The following ZZZ3 variants were observed in gnomAD, a reference collection of about 807,000 sequenced individuals.
ZZZ3 encodes ZZ-type zinc finger-containing protein 3.
Under a neutral mutation model 95.2 loss-of-function variants are expected in ZZZ3, and 22 were observed. The ratio of observed to expected loss-of-function variants is 0.23; its 90% CI spans 0.17 to 0.33. The LOEUF is 0.33. Ranked by LOEUF, ZZZ3 falls within the 10% of genes least tolerant of loss-of-function variation. ZZZ3 has a pLI of 1.00. For missense variants in ZZZ3, 885 were observed against 1,066.5 expected, an observed-to-expected ratio of 0.83 and a Z score of 2.37; for synonymous variants, 335 against 358.9, an observed-to-expected ratio of 0.93 and a Z score of 0.75.
intron 1 of ZZZ3, among the ~76,000 whole-genome samples, chr1:77,664,377 T>C (rs1310100189): frequency 5.3e-5 from 8 of 152,222 alleles, no homozygotes; most frequent in Non-Finnish European, 8.8e-5. Context: ...CAGAATTAAC[T>C]ACTCTCTCCT....
intron 5 of ZZZ3, among the ~76,000 whole-genome samples, chr1:77,599,647 C>T (rs1664543831): frequency 6.6e-6 from 1 of 152,102 alleles, no homozygotes; most frequent in African/African-American, 2.4e-5. Flanking sequence ...CTTTTAAATA[C>T]AGCAGAACGA....
At chr1:77,666,439 G>A (rs1320387742) in intron 1 of ZZZ3, among the ~76,000 whole-genome samples, 1 of 151,988 alleles carries the variant, frequency 6.6e-6, no homozygotes, top group Non-Finnish European at 1.5e-5. Context: ...AAGCAGAGGT[G>A]GGAAGATCGC....
chr1:77,636,741 AAGG>A (rs1323418528), intron 4 of ZZZ3, among the ~76,000 whole-genome samples: 1 of 145,804 alleles, frequency 6.9e-6, no homozygotes, highest in Non-Finnish European at 1.5e-5. Context: ...CACGTATAGT[AAGG>A]CCTATCTTAA....
intron 1 of ZZZ3, among the ~76,000 whole-genome samples, chr1:77,679,369 A>C (rs928643008): frequency 2.0e-5 from 3 of 152,188 alleles, no homozygotes; most frequent in Non-Finnish European, 4.4e-5. Context: ...GCAATGGTGC[A>C]ATCACAGCTC....
Position 77,584,665 on chromosome 1 carries a change from C to T in ZZZ3, c.1506-10G>A, listed in dbSNP as rs762225674. ...TAATAGTCTCTGATAACTACAGAGA[C>T]AAAGAAAAATATTTCACAAAAATTT... On this transcript the variant is annotated splice_polypyrimidine_tract_variant and intron_variant, in intron 5 of 14. Coordinates refer to ENST00000370801, the MANE Select transcript of ZZZ3 (RefSeq NM_015534.6). 3 of 1,534,958 alleles carry T rather than the reference C, an allele frequency of 2.0e-6. No individual in the cohort carries two copies. In the Admixed American group the frequency reaches 6.9e-5, roughly 35 times the overall value.
chr1:77,588,414 GA>G (rs1292868556), intron 5 of ZZZ3, among the ~76,000 whole-genome samples: 3 of 151,262 alleles, frequency 2.0e-5, no homozygotes, highest in Non-Finnish European at 4.4e-5. Context: ...ACCTCCACTA[GA>G]ATACCACTTC....
chr1:77,584,719 G>A, intron 5 of ZZZ3, 64 bp from the exon 6 acceptor site: 1 of 1,377,108 alleles, frequency 7.3e-7, no homozygotes. Context: ...TAAAAACTGA[G>A]TTCAAGCCAT....
chr1:77,680,123 CAA>C, intron 1 of ZZZ3, among the ~76,000 whole-genome samples: 1 of 152,302 alleles, frequency 6.6e-6, no homozygotes, highest in Middle Eastern at 3.4e-3. Flanking sequence ...ACGTACTTAA[CAA>C]ATGTTATTTA....
intron 1 of ZZZ3, among the ~76,000 whole-genome samples, chr1:77,643,179 A>C (rs751613945): frequency 1.2e-4 from 18 of 152,140 alleles, no homozygotes; most frequent in Non-Finnish European, 1.9e-4. Flanking sequence ...AAGAAAAAAA[A>C]AAAGAAAAAA....
At chr1:77,656,700 A>C (rs924525053) in intron 1 of ZZZ3, among the ~76,000 whole-genome samples, 1 of 152,210 alleles carries the variant, frequency 6.6e-6, no homozygotes. Context: ...CAGCATATTA[A>C]CCAACCTCTA....
chr1:77,566,138 T>C lies in ZZZ3; in HGVS notation c.2510A>G (p.His837Arg). 6.2e-7 allele frequency: 1 copy of C among 1,613,476 alleles called. No individual in the cohort carries two copies. Among genetic ancestry groups the C allele is most frequent in the South Asian group, 1.1e-5 (1 of 90,962 alleles). Reference sequence around the variant, plus strand: ...CATTTCTGGAGGACAATCCTGGCAATGCCACCGAACACCCTGGATGGGTTC... The same window carrying C: ...CATTTCTGGAGGACAATCCTGGCAACGCCACCGAACACCCTGGATGGGTTC... The part of the protein sequence containing the change: ...GIEPIQGVRW[H>R]CQDCPPEMSL... The change falls in exon 14 of 15, where the codon CAT (histidine) becomes CGT (arginine). Residue 837 changes from histidine to arginine, a missense_variant. His to Arg is a conservative substitution (Grantham distance 29). This residue lies in a region of ZZZ3 where 221 missense variants were observed against 247.8 expected (regional missense o/e 0.89). Coordinates refer to ENST00000370801, the MANE Select transcript of ZZZ3 (RefSeq NM_015534.6).
chr1:77,566,188 C>T lies in ZZZ3; in HGVS notation c.2467-7G>A. 1 of 1,593,962 alleles carries T rather than the reference C, an allele frequency of 6.3e-7. No homozygotes were observed. The highest frequency in any genetic ancestry group is 1.1e-5 in the South Asian group (1 of 88,772). On this transcript the variant is annotated splice_region_variant and splice_polypyrimidine_tract_variant and intron_variant, in intron 13 of 14. Transcript: ENST00000370801. ...CTATGCCACAGTTATCACACTATAACAGATTCAGAGAGAAAATGTATTAAG... is the reference window on the plus strand; with the variant it reads ...CTATGCCACAGTTATCACACTATAATAGATTCAGAGAGAAAATGTATTAAG...
At chr1:77,662,863 G>C (rs959294612) in intron 1 of ZZZ3, among the ~76,000 whole-genome samples, 1 of 152,168 alleles carries the variant, frequency 6.6e-6, no homozygotes, top group African/African-American at 2.4e-5. Context: ...TCAACACTTT[G>C]GGAGGCCAAG....
At chr1:77,589,352 T>C (rs760499693) in intron 5 of ZZZ3, among the ~76,000 whole-genome samples, 7 of 152,108 alleles carry the variant, frequency 4.6e-5, no homozygotes, top group Non-Finnish European at 8.8e-5. Context: ...TGAAAGAGTA[T>C]ACAGGTAAAA....
intron 1 of ZZZ3, among the ~76,000 whole-genome samples, chr1:77,661,130 C>T (rs1670741902): frequency 6.6e-6 from 1 of 150,416 alleles, no homozygotes; most frequent in Non-Finnish European, 1.5e-5. Context: ...AACAATGGTA[C>T]AGAGGCCAGG....
At chr1:77,671,487 A>AG (rs1671781720) in intron 1 of ZZZ3, among the ~76,000 whole-genome samples, 2 of 152,246 alleles carry the variant, frequency 1.3e-5, no homozygotes, top group African/African-American at 4.8e-5. Flanking sequence ...ATATGAAGAT[A>AG]GCACCTCAAA....
At chr1:77,614,485 G>A (rs1179195790) in intron 5 of ZZZ3, among the ~76,000 whole-genome samples, 1 of 152,076 alleles carries the variant, frequency 6.6e-6, no homozygotes, top group Non-Finnish European at 1.5e-5. Flanking sequence ...ACTAAAGTTG[G>A]TTTCTTTTTA....
At chr1:77,587,078 G>T (rs1344353015) in intron 5 of ZZZ3, among the ~76,000 whole-genome samples, 2 of 152,144 alleles carry the variant, frequency 1.3e-5, no homozygotes, top group South Asian at 4.1e-4. Flanking sequence ...GAGTCTAAGT[G>T]TAATAGAGGA....
rs142392187 is a variant in ZZZ3, at chr1:77,648,435, TACATG to T, written c.-402-6785_-402-6781del. The stretch of plus-strand genomic sequence containing the variant: ...AAAGCAATCGACAGAAAAAGAACTG[TACATG>T]ACAGTCACTAGATAAGAATACTAAA... On this transcript the variant is annotated intron_variant, in intron 1 of 14. Transcript: ENST00000370801. 3.7e-3 allele frequency among the ~76,000 whole-genome samples: 556 copies of T among 151,524 alleles called. 3 individuals carry two copies. Among genetic ancestry groups the T allele is most frequent in the African/African-American group, 0.012 (515 of 41,288 alleles).
Sources: gnomAD v4.1 joint callset for allele counts (sites outside exome capture counted in the v4.1 genomes callset) on GRCh38, gnomAD v4.1.1 for gene constraint, gnomAD v4.1.1 regional missense constraint, MANE v1.5 for transcripts, NCBI Gene and HGNC (gene_info 2026-07-23, HGNC 2026-07-21) for gene names.